VCL: variants seen among roughly 807,000 people sequenced by gnomAD.
VCL encodes epididymis luminal protein 114.
Under a neutral mutation model 125.7 loss-of-function variants are expected in VCL, and 47 were observed. The observed-to-expected ratio is 0.37, with a 90% confidence interval of 0.30 to 0.48. The LOEUF (loss-of-function observed/expected upper bound fraction) is 0.48, where lower values mean the gene tolerates loss of function less well. VCL is among the 20% of genes least tolerant of loss of function. VCL has a pLI of 0.99. For synonymous variants in VCL, 458 were observed against 514.6 expected, an observed-to-expected ratio of 0.89 and a Z score of 1.49; for missense variants, 1,069 against 1,455.5, an observed-to-expected ratio of 0.73 and a Z score of 4.32.
Position 74,071,135 on chromosome 10 carries a change from GC to G in VCL, c.499+54del. ...TTTTTTAAGGATTGTCCATGTTGGAGCCAAAGGAAAGGGTACCCTCTTCCTA... is the reference window on the plus strand; with the variant it reads ...TTTTTTAAGGATTGTCCATGTTGGAGCAAAGGAAAGGGTACCCTCTTCCTA... On this transcript the variant is annotated intron_variant, in intron 4 of 21. Coordinates refer to ENST00000211998, the MANE Select transcript of VCL (RefSeq NM_014000.3). This position sits in a 1 kb window ranked among gnomAD's most constrained non-coding sequence, Gnocchi z 4.1. 1 of 1,575,348 alleles carries G rather than the reference GC, an allele frequency of 6.3e-7. No individual in the cohort carries two copies. The highest frequency in any genetic ancestry group is 8.7e-7 in the Non-Finnish European group (1 of 1,145,532).
chr10:74,095,547 C>G (rs1380034686), intron 11 of VCL, 109 bp from the exon 12 acceptor site: 2 of 1,407,316 alleles, frequency 1.4e-6, no homozygotes, highest in Non-Finnish European at 2.0e-6. Context: ...TGTTGTTCCA[C>G]TGCACTCCAG....
At chr10:74,017,046 C>CTTTTTT (rs549275362) in intron 1 of VCL, among the ~76,000 whole-genome samples, 6 of 113,166 alleles carry the variant, frequency 5.3e-5, no homozygotes, top group African/African-American at 1.2e-4. Context: ...AATTTCCTTC[C>CTTTTTT]TTTTTTTTTT....
At chr10:74,101,390 G>A (rs1840052933) in intron 14 of VCL, among the ~76,000 whole-genome samples, 1 of 152,024 alleles carries the variant, frequency 6.6e-6, no homozygotes, top group Non-Finnish European at 1.5e-5. Context: ...TGAGGCTGAG[G>A]TGGGAGGATT....
intron 1 of VCL, among the ~76,000 whole-genome samples, chr10:74,014,875 A>T (rs1409947317): frequency 1.3e-5 from 2 of 151,678 alleles, no homozygotes; most frequent in Non-Finnish European, 2.9e-5. Context: ...TTTTGTAGAG[A>T]TGGGGTTTCT....
intron 1 of VCL, among the ~76,000 whole-genome samples, chr10:74,034,108 C>T (rs1045698591): frequency 3.3e-5 from 5 of 152,320 alleles, no homozygotes; most frequent in Admixed American, 6.5e-5. Flanking sequence ...AATGAATTCA[C>T]AAATGAACTT....
chr10:74,095,918 A>G (rs953290270), intron 12 of VCL, 63 bp downstream of exon 12: 1 of 1,574,190 alleles, frequency 6.4e-7, no homozygotes, highest in African/African-American at 1.3e-5. Flanking sequence ...AGACGAGGGA[A>G]GGAAGAGAGA....
chr10:74,090,650 G>C (rs1839866693), intron 10 of VCL, among the ~76,000 whole-genome samples: 1 of 152,074 alleles, frequency 6.6e-6, no homozygotes, highest in African/African-American at 2.4e-5. Flanking sequence ...ATGATATTTT[G>C]TAAGTAGCAA....
chr10:74,084,315 G>C (rs935178021), intron 8 of VCL, among the ~76,000 whole-genome samples: 1 of 150,232 alleles, frequency 6.7e-6, no homozygotes, highest in African/African-American at 2.4e-5. Context: ...ATTTAGAGAC[G>C]GAGTCTCGCT....
chr10:74,007,498 C>T (rs1264247868), intron 1 of VCL, among the ~76,000 whole-genome samples: 1 of 151,866 alleles, frequency 6.6e-6, no homozygotes, highest in Non-Finnish European at 1.5e-5. Context: ...TATAGGTATG[C>T]AATATACTTT....
intron 18 of VCL, among the ~76,000 whole-genome samples, chr10:74,109,945 C>T (rs531232947): frequency 2.0e-5 from 3 of 152,162 alleles, no homozygotes; most frequent in African/African-American, 7.2e-5. Context: ...CACCTATTTG[C>T]CTTTATTCTT....
rs777218777 is a variant in VCL, at chr10:74,107,315, T to G, written c.2520T>G (p.Pro840=). Residue 840 remains proline, a synonymous_variant, in exon 17 of 22, where the codon CCT becomes CCG. Transcript: ENST00000211998. ...KVREAFQPQE[P]DFPPPPPDLE... ...GAGAAGCCTTCCAACCTCAGGAGCC[T>G]GACTTCCCGCCGCCTCCACCAGACC... 1.2e-6 allele frequency: 2 copies of G among 1,614,200 alleles called. No individual in the cohort carries two copies. Among genetic ancestry groups the G allele is most frequent in the Admixed American group, 1.7e-5 (1 of 60,018 alleles).
chr10:74,094,453 G>A lies in VCL; in HGVS notation c.1535G>A (p.Arg512His), dbSNP rs367568441. The change falls in exon 11 of 22, where the codon CGT becomes CAT. Residue 512 changes from arginine (R) to histidine (H), a missense_variant. By Grantham distance (29) the Arg-to-His change is conservative (BLOSUM62 0). Around this residue, in one of 6 missense-constraint regions of VCL, gnomAD observed 760 missense variants for 928.9 expected, o/e 0.82. Coordinates refer to ENST00000211998, the MANE Select transcript of VCL (RefSeq NM_014000.3). ...ATTGATAATCCCACAGTGGATGACC[G>A]TGGAGTCGGTAAGGGCAGCAGTGCA... ...RWIDNPTVDD[R>H]GVGQAAIRGL... 25 of 1,613,576 alleles carry A rather than the reference G, an allele frequency of 1.5e-5. No individual in the cohort carries two copies. Among genetic ancestry groups the A allele is most frequent in the South Asian group, 1.5e-4 (14 of 90,944 alleles).
chr10:74,042,288 A>G (rs1278428456), intron 1 of VCL, among the ~76,000 whole-genome samples: 1 of 152,202 alleles, frequency 6.6e-6, no homozygotes, highest in Non-Finnish European at 1.5e-5. Flanking sequence ...GGAGTTATTT[A>G]TGAAGTGTTT....
At chr10:74,016,926 T>C (rs1840552246) in intron 1 of VCL, 1 of 151,960 alleles carries the variant, frequency 6.6e-6, no homozygotes, top group African/African-American at 2.4e-5. Flanking sequence ...ACATATAGTA[T>C]ATGATATGCT....
chr10:74,008,973 T>G (rs1840366774), intron 1 of VCL, among the ~76,000 whole-genome samples: 1 of 152,166 alleles, frequency 6.6e-6, no homozygotes, highest in Non-Finnish European at 1.5e-5. Context: ...CAACTTTCAG[T>G]GCTATATAAT....
chr10:74,066,061 A>ATATATATATATATT (rs1441211975), intron 2 of VCL, among the ~76,000 whole-genome samples: 10 of 137,470 alleles, frequency 7.3e-5, no homozygotes, highest in African/African-American at 2.6e-4. Flanking sequence ...ATATATATAT[A>ATATATATATATATT]TTTTTTTTTT....
chr10:74,120,499 A>G, downstream of VCL: 1 of 152,224 alleles, frequency 6.6e-6, no homozygotes, highest in Non-Finnish European at 1.5e-5. Flanking sequence ...AAAGTTGTTA[A>G]GTTTGTAGGA....
chr10:74,089,433 C>G, intron 9 of VCL, 84 bp downstream of exon 9: 5 of 1,581,510 alleles, frequency 3.2e-6, no homozygotes, highest in Non-Finnish European at 3.4e-6. Flanking sequence ...TTCTCTGTCT[C>G]TTATCATTTA....
At chr10:74,043,231 A>T in intron 2 of VCL, 78 bp downstream of exon 2, 1 of 1,333,182 alleles carries the variant, frequency 7.5e-7, no homozygotes, top group African/African-American at 1.4e-5. Flanking sequence ...GATTTCAGTA[A>T]CAACTTTTTT....
Sources: gnomAD v4.1 joint callset for allele counts (sites outside exome capture counted in the v4.1 genomes callset) on GRCh38, gnomAD v4.1.1 for gene constraint, gnomAD v4.1.1 regional missense constraint, Gnocchi (gnomAD v3.1) non-coding constraint, MANE v1.5 for transcripts, NCBI Gene and HGNC (gene_info 2026-07-23, HGNC 2026-07-21) for gene names.